Variants in CCDC102B observed in about 807,000 individuals in gnomAD.
The protein encoded by CCDC102B is coiled-coil domain-containing protein 102B.
CCDC102B carries 75 observed loss-of-function variants against 57.4 expected under a neutral mutation model. That is an observed-to-expected ratio of 1.31 (90% CI 1.08 to 1.58). CCDC102B has a LOEUF of 1.58. CCDC102B is among the 40% of genes most tolerant of loss of function. The pLI, the probability that CCDC102B is intolerant of heterozygous loss-of-function variation, is 0.00. For missense variants in CCDC102B, 636 were observed against 582.6 expected, an observed-to-expected ratio of 1.09 and a Z score of -0.94; for synonymous variants, 206 against 201.9, an observed-to-expected ratio of 1.02 and a Z score of -0.17.
At chr18:69,018,266 C>A (rs1213247553) in intron 7 of CCDC102B, among the ~76,000 whole-genome samples, 1 of 152,208 alleles carries the variant, frequency 6.6e-6, no homozygotes, top group Non-Finnish European at 1.5e-5. Context: ...CACATATATA[C>A]ATGCACCTAT....
At chr18:69,019,494 G>A (rs1392796499) in intron 7 of CCDC102B, among the ~76,000 whole-genome samples, 1 of 150,818 alleles carries the variant, frequency 6.6e-6, no homozygotes, top group Non-Finnish European at 1.5e-5. Context: ...TATTGTGAGT[G>A]GGATTGTTTT....
intron 6 of CCDC102B, chr18:68,908,266 G>A (rs1280213815): frequency 6.6e-6 from 1 of 152,078 alleles, no homozygotes; most frequent in Non-Finnish European, 1.5e-5. Flanking sequence ...GTCATGTCTG[G>A]CTTGGGGTCA....
chr18:68,836,651 A>G, intron 1 of CCDC102B, 98 bp from the exon 2 acceptor site: 1 of 765,664 alleles, frequency 1.3e-6, no homozygotes, highest in East Asian at 3.0e-5. Flanking sequence ...CATTGTTTTC[A>G]TCAATTTTCA....
At chr18:68,887,046 C>T (rs2039913543) in intron 5 of CCDC102B, among the ~76,000 whole-genome samples, 1 of 152,004 alleles carries the variant, frequency 6.6e-6, no homozygotes, top group Non-Finnish European at 1.5e-5. Flanking sequence ...TCTGTATTTC[C>T]TCTTTTTATA....
At chr18:68,959,866 C>T (rs184526693) in intron 6 of CCDC102B, among the ~76,000 whole-genome samples, 55 of 152,190 alleles carry the variant, frequency 3.6e-4, no homozygotes, top group African/African-American at 1.3e-3. Flanking sequence ...TCTGCCCATC[C>T]TGAGTCTCTC....
intron 5 of CCDC102B, among the ~76,000 whole-genome samples, chr18:68,890,074 C>T (rs889623803): frequency 6.6e-6 from 1 of 152,114 alleles, no homozygotes; most frequent in East Asian, 1.9e-4. Flanking sequence ...CTTCCATATC[C>T]TTTCAGTGGA....
intron 5 of CCDC102B, among the ~76,000 whole-genome samples, chr18:68,893,542 CCTGGAG>C (rs2040147553): frequency 6.6e-6 from 1 of 152,118 alleles, no homozygotes; most frequent in South Asian, 2.1e-4. Context: ...AGGGCTTTTT[CCTGGAG>C]ACTGTCATTA....
chr18:68,983,092 G>C (rs1449405941), intron 6 of CCDC102B, among the ~76,000 whole-genome samples: 1 of 151,466 alleles, frequency 6.6e-6, no homozygotes, highest in South Asian at 2.1e-4. Flanking sequence ...TTTTCAGAAG[G>C]ATACTTCTCT....
At chr18:68,888,561 T>C (rs1362685260) in intron 5 of CCDC102B, among the ~76,000 whole-genome samples, 2 of 152,210 alleles carry the variant, frequency 1.3e-5, no homozygotes, top group African/African-American at 4.8e-5. Context: ...CAGATGCCAG[T>C]AGTACTTCTT....
At chr18:69,052,996 AG>A (rs1254977275) in intron 7 of CCDC102B, among the ~76,000 whole-genome samples, 1 of 151,916 alleles carries the variant, frequency 6.6e-6, no homozygotes, top group African/African-American at 2.4e-5. Flanking sequence ...TAGTGACTTG[AG>A]CATATGTGGA....
chr18:68,826,520 A>G (rs2036908697), intron 1 of CCDC102B, among the ~76,000 whole-genome samples: 1 of 152,204 alleles, frequency 6.6e-6, no homozygotes, highest in Non-Finnish European at 1.5e-5. Context: ...CCACTTTTAT[A>G]ACATATTATA....
intron 2 of CCDC102B, among the ~76,000 whole-genome samples, chr18:68,740,130 G>T (rs1294707270): frequency 6.6e-6 from 1 of 152,134 alleles, no homozygotes; most frequent in African/African-American, 2.4e-5. Flanking sequence ...ATGTTTACCA[G>T]CACCTTGGCT....
Position 68,765,306 on chromosome 18 carries a change from AAGGAAGGAAGGAAG to A in CCDC102B, c.-67+48713_-67+48726del, listed in dbSNP as rs1568238523. ...AAGAAAAGAAAGAAAGGAAGGAAGG[AAGGAAGGAAGGAAG>A]GAAGGAAAGAAAGAAAGAAAGAAAG... is the stretch of plus-strand genomic sequence containing the variant. On this transcript the variant is annotated intron_variant, in intron 2 of 3. Transcript: ENST00000578970. 8.5e-3 allele frequency among the ~76,000 whole-genome samples: 552 copies of A among 64,964 alleles called. 7 individuals are homozygous for A. Among genetic ancestry groups the A allele is most frequent in the East Asian group, 0.038 (52 of 1,374 alleles). The allele number at this position is 64,964 out of a possible 152,430, so 42.6% of individuals were successfully genotyped here.
downstream of CCDC102B, among the ~76,000 whole-genome samples, chr18:69,057,801 A>G (rs1377211790): frequency 6.6e-6 from 1 of 152,082 alleles, no homozygotes; most frequent in African/African-American, 2.4e-5. Flanking sequence ...ACCCATGCCC[A>G]TCTTGCAGAT....
At chr18:68,895,792 T>C (rs1462391364) in intron 5 of CCDC102B, among the ~76,000 whole-genome samples, 2 of 151,818 alleles carry the variant, frequency 1.3e-5, no homozygotes, top group Non-Finnish European at 3.0e-5. Context: ...TTGTCCAGAA[T>C]TAGACAATGA....
chr18:68,804,946 C>G (rs2035981870), intron 1 of CCDC102B, among the ~76,000 whole-genome samples: 1 of 148,466 alleles, frequency 6.7e-6, no homozygotes. Flanking sequence ...GAGGTACAAA[C>G]TAGTTAAACA....
At chr18:68,788,810 G>A (rs2035313763) in intron 2 of CCDC102B, among the ~76,000 whole-genome samples, 1 of 151,946 alleles carries the variant, frequency 6.6e-6, no homozygotes, top group Admixed American at 6.6e-5. Context: ...CTTTTAATTG[G>A]AGCATTTACT....
intron 7 of CCDC102B, among the ~76,000 whole-genome samples, chr18:69,022,592 T>C (rs2145423738): frequency 6.6e-6 from 1 of 152,092 alleles, no homozygotes; most frequent in East Asian, 1.9e-4. Context: ...GTTGAATTAA[T>C]CTTGGCACAG....
At position 68,847,368 on chromosome 18, in the gene CCDC102B, G is replaced by A. The variant is rs892290940; in HGVS notation, c.936+947G>A. Reference sequence around the variant, plus strand: ...ATGTGCTCTATAATATAATGGGTTCGAATTTTGACTGAAAAAGCTAATATT... The same window carrying A: ...ATGTGCTCTATAATATAATGGGTTCAAATTTTGACTGAAAAAGCTAATATT... On this transcript the variant is annotated intron_variant, in intron 4 of 7. Coordinates refer to ENST00000360242, the MANE Select transcript of CCDC102B (RefSeq NM_024781.3). 2.6e-5 allele frequency among the ~76,000 whole-genome samples: 4 copies of A among 151,538 alleles called. 1 individual carries two copies. Among genetic ancestry groups the A allele is most frequent in the South Asian group, 4.1e-4 (2 of 4,822 alleles).
Sources: gnomAD v4.1 joint callset for allele counts (sites outside exome capture counted in the v4.1 genomes callset) on GRCh38, gnomAD v4.1.1 for gene constraint, MANE v1.5 for transcripts, NCBI Gene and HGNC (gene_info 2026-07-23, HGNC 2026-07-21) for gene names.